TRIM24: variants seen among roughly 807,000 people sequenced by gnomAD.
TRIM24 encodes tripartite motif containing 24.
In TRIM24, 29 loss-of-function variants were observed where a neutral mutation model predicts 123.9. That is an observed-to-expected ratio of 0.23 (90% confidence interval 0.17 to 0.32). The LOEUF (loss-of-function observed/expected upper bound fraction) is 0.32. TRIM24 is among the 10% of genes least tolerant of loss of function. The pLI is 1.00. For missense variants in TRIM24, 932 were observed against 1,295.3 expected (o/e 0.72, Z 4.31); for synonymous variants, 456 against 461.1 (o/e 0.99, Z 0.14).
intron 1 of TRIM24, among the ~76,000 whole-genome samples, chr7:138,493,674 A>G (rs1439154181): frequency 1.3e-5 from 2 of 152,274 alleles, no homozygotes; most frequent in East Asian, 1.9e-4. Context: ...TGCCATACCA[A>G]TTAAATCACA....
In TRIM24 at chr7:138,573,099, C is replaced by T. The variant is rs370689419; in HGVS notation, c.1879-408C>T. On this transcript the variant is annotated intron_variant, in intron 11 of 18. Coordinates refer to ENST00000343526, the MANE Select transcript of TRIM24 (RefSeq NM_015905.3). The stretch of plus-strand genomic sequence containing the variant: ...TTTCTTCATATTTTTCAAGCAAAAC[C>T]ATATACCACAATAGATTGAATGCTG... Among the ~76,000 whole-genome samples, 27 of 152,248 alleles carry T rather than the reference C, an allele frequency of 1.8e-4. No homozygotes were observed. In the South Asian group the frequency reaches 5.2e-3, roughly 29 times the overall value.
chr7:138,484,111 G>T (rs558716383), intron 1 of TRIM24, among the ~76,000 whole-genome samples: 1 of 151,148 alleles, frequency 6.6e-6, no homozygotes, highest in African/African-American at 2.4e-5. Context: ...ATCATAAATA[G>T]ATTTTTTTTT....
At chr7:138,491,256 A>T (rs1795774197) in intron 1 of TRIM24, 1 of 235,328 alleles carries the variant, frequency 4.2e-6, no homozygotes, top group Non-Finnish European at 8.7e-6. Context: ...TTTCTTGGAC[A>T]TAGCAGGAGC....
chr7:138,499,814 T>A (rs1795996070), intron 1 of TRIM24, among the ~76,000 whole-genome samples: 1 of 152,162 alleles, frequency 6.6e-6, no homozygotes, highest in Non-Finnish European at 1.5e-5. Context: ...CTGTTTTTTT[T>A]TTTTCCTTTA....
chr7:138,464,497 A>G (rs1379692556), intron 1 of TRIM24, among the ~76,000 whole-genome samples: 1 of 151,694 alleles, frequency 6.6e-6, no homozygotes, highest in Non-Finnish European at 1.5e-5. Context: ...AGGGGGGCAG[A>G]CTCTTCTTAG....
At chr7:138,506,563 A>G (rs1404617154) in intron 2 of TRIM24, among the ~76,000 whole-genome samples, 1 of 152,256 alleles carries the variant, frequency 6.6e-6, no homozygotes, top group Non-Finnish European at 1.5e-5. Flanking sequence ...CCTATGACAT[A>G]AAATGATGAT....
chr7:138,526,082 G>A (rs148370133), intron 5 of TRIM24, among the ~76,000 whole-genome samples: 1,985 of 152,238 alleles, frequency 0.013, 35 homozygotes, highest in African/African-American at 0.045. Context: ...ACACACAAAA[G>A]AAATGTCACT....
intron 6 of TRIM24, among the ~76,000 whole-genome samples, chr7:138,535,977 C>T (rs533344644): frequency 6.6e-6 from 1 of 152,298 alleles, no homozygotes; most frequent in East Asian, 1.9e-4. Flanking sequence ...GATCTTCAAT[C>T]ACTGATACCC....
At chr7:138,520,680 C>T (rs534866792) in intron 4 of TRIM24, among the ~76,000 whole-genome samples, 1 of 152,052 alleles carries the variant, frequency 6.6e-6, no homozygotes, top group Admixed American at 6.5e-5. Context: ...GAGACCCTGT[C>T]TTTAAAAAAG....
At chr7:138,496,192 G>A (rs1795902247) in intron 1 of TRIM24, among the ~76,000 whole-genome samples, 1 of 152,148 alleles carries the variant, frequency 6.6e-6, no homozygotes, top group South Asian at 2.1e-4. Flanking sequence ...TTGGAGACAT[G>A]GAATCTCAAC....
At chr7:138,467,977 T>G (rs554344472) in intron 1 of TRIM24, among the ~76,000 whole-genome samples, 1 of 152,304 alleles carries the variant, frequency 6.6e-6, no homozygotes, top group African/African-American at 2.4e-5. Flanking sequence ...TGCTTTCTAT[T>G]CTTAATAATT....
chr7:138,507,091 T>C (rs1796166605), intron 2 of TRIM24, among the ~76,000 whole-genome samples: 1 of 152,182 alleles, frequency 6.6e-6, no homozygotes. Context: ...TTGCATTGCC[T>C]GTGAGACTGT....
At chr7:138,528,675 C>T (rs1397117210) in intron 5 of TRIM24, among the ~76,000 whole-genome samples, 1 of 151,874 alleles carries the variant, frequency 6.6e-6, no homozygotes, top group Non-Finnish European at 1.5e-5. Flanking sequence ...GTTAAGAATA[C>T]TAAGAAAAGA....
chr7:138,551,550 T>C (rs765687524), intron 8 of TRIM24, among the ~76,000 whole-genome samples: 1 of 152,248 alleles, frequency 6.6e-6, no homozygotes. Context: ...CATTAACGTA[T>C]GTATATGGTA....
chr7:138,485,259 T>G (rs896173252), intron 1 of TRIM24, among the ~76,000 whole-genome samples: 3 of 152,210 alleles, frequency 2.0e-5, no homozygotes, highest in African/African-American at 7.2e-5. Context: ...TTTAATCATA[T>G]TCAAGTATAT....
chr7:138,527,082 A>G (rs1796626102), intron 5 of TRIM24, among the ~76,000 whole-genome samples: 1 of 151,890 alleles, frequency 6.6e-6, no homozygotes, highest in South Asian at 2.1e-4. Flanking sequence ...TTCCACTATC[A>G]TTTGTTGAAA....
At chr7:138,513,415 TG>T (rs1441117382) in intron 2 of TRIM24, among the ~76,000 whole-genome samples, 2 of 152,150 alleles carry the variant, frequency 1.3e-5, no homozygotes, top group Non-Finnish European at 2.9e-5. Context: ...TATCTGAGAC[TG>T]GGTAACTTAT....
chr7:138,502,872 TA>T (rs1796071330), intron 1 of TRIM24, among the ~76,000 whole-genome samples: 1 of 152,236 alleles, frequency 6.6e-6, no homozygotes, highest in African/African-American at 2.4e-5. Flanking sequence ...GTGAATATAT[TA>T]ATCTTTCCCT....
intron 2 of TRIM24, among the ~76,000 whole-genome samples, chr7:138,507,469 C>T (rs111378631): frequency 0.021 from 3,199 of 150,624 alleles, 93 homozygotes; most frequent in African/African-American, 0.071. Context: ...GCTGGGATTA[C>T]AGGTGCCCAC....
Sources: allele counts gnomAD v4.1 joint callset (sites outside exome capture counted in the v4.1 genomes callset), GRCh38; gene constraint gnomAD v4.1.1; transcripts MANE v1.5; gene names NCBI Gene and HGNC (gene_info 2026-07-23, HGNC 2026-07-21).